Variants in PI4K2B observed in about 807,000 individuals in gnomAD.
PI4K2B encodes phosphatidylinositol 4-kinase type 2 beta.
Under a neutral mutation model 56.6 loss-of-function variants are expected in PI4K2B, and 46 were observed. The ratio of observed to expected loss-of-function variants is 0.81; its 90% CI spans 0.64 to 1.04. The LOEUF (loss-of-function observed/expected upper bound fraction) is 1.04, where lower values mean the gene tolerates loss of function less well. PI4K2B is among the 50% of genes least tolerant of loss of function. The pLI is 0.00. For missense variants in PI4K2B, 556 were observed against 607.7 expected, an observed-to-expected ratio of 0.91 and a Z score of 0.89; for synonymous variants, 211 against 223.8, an observed-to-expected ratio of 0.94 and a Z score of 0.51.
At chr4:25,254,469 A>G (rs1380937555) in intron 2 of PI4K2B, 1 of 207,240 alleles carries the variant, frequency 4.8e-6, no homozygotes, top group African/African-American at 2.4e-5. Flanking sequence ...GCTGGAGTGC[A>G]GTGGTGCGAT....
At chr4:25,262,907 A>G (rs1354336367) in intron 6 of PI4K2B, among the ~76,000 whole-genome samples, 1 of 152,194 alleles carries the variant, frequency 6.6e-6, no homozygotes, top group Non-Finnish European at 1.5e-5. Flanking sequence ...ACATTCTCAC[A>G]CTGCTATGAC....
chr4:25,277,156 A>G lies in PI4K2B; in HGVS notation c.1415A>G (p.Asn472Ser), dbSNP rs759395271. 1.1e-5 allele frequency: 18 copies of G among 1,613,202 alleles called. No homozygotes were observed. Among genetic ancestry groups the G allele is most frequent in the South Asian group, 1.1e-4 (10 of 91,010 alleles). ...HLSNSFTQTV[N>S]CRKPFFSSW ...AGCAATTCCTTTACCCAGACTGTCA[A>G]TTGCAGGAAGCCATTTTTTTCCTCC... is the stretch of plus-strand genomic sequence containing the variant. The change falls in exon 10 of 10, where the codon AAT becomes AGT. Residue 472 changes from asparagine to serine, a missense_variant. Physicochemically the swap from Asn to Ser is conservative, Grantham distance 46 (BLOSUM62 1). Transcript: ENST00000264864.
At chr4:25,269,117 GA>G in intron 8 of PI4K2B, 26 bp from the exon 9 acceptor site, 1 of 1,336,076 alleles carries the variant, frequency 7.5e-7, no homozygotes, top group Non-Finnish European at 1.1e-6. Context: ...TTTATTTTGG[GA>G]ATTGTTTTTT....
intron 7 of PI4K2B, chr4:25,267,894 T>C: frequency 1.0e-6 from 1 of 982,670 alleles, no homozygotes; most frequent in Non-Finnish European, 1.2e-6. Context: ...TGATGATTTG[T>C]AGCTGTGGAG....
At chr4:25,255,480 G>A (rs946404252) in intron 3 of PI4K2B, among the ~76,000 whole-genome samples, 3 of 152,106 alleles carry the variant, frequency 2.0e-5, no homozygotes, top group Admixed American at 6.5e-5. Context: ...GAGATCTGAC[G>A]ATGCTAACAA....
Position 25,263,805 on chromosome 4 carries a change from A to G in PI4K2B, c.1034A>G (p.Asn345Ser). The G allele has an allele frequency of 6.5e-7, 1 of 1,540,278 alleles. No individual in the cohort carries two copies. Among genetic ancestry groups the G allele is most frequent in the Non-Finnish European group, 9.0e-7 (1 of 1,114,380 alleles). ...CTTATTAAAATAGCTGCAATTGATA[A>G]TGGTCTAGCATTTCCTTTTAAACAT... The part of the protein sequence containing the change: ...EFLIKIAAID[N>S]GLAFPFKHPD... Residue 345 changes from asparagine to serine, a missense_variant, in exon 7 of 10, where the codon AAT becomes AGT. Coordinates refer to ENST00000264864, the MANE Select transcript of PI4K2B (RefSeq NM_018323.4).
chr4:25,267,755 C>G, intron 7 of PI4K2B: 1 of 980,756 alleles, frequency 1.0e-6, no homozygotes, highest in Non-Finnish European at 1.2e-6. Context: ...ATTTAATGGT[C>G]TTCTTGAGGG....
intron 1 of PI4K2B, among the ~76,000 whole-genome samples, chr4:25,237,886 CAAAAGAAA>C (rs1463670923): frequency 2.6e-5 from 4 of 151,986 alleles, no homozygotes; most frequent in South Asian, 2.1e-4. Context: ...GACCCTGTCT[CAAAAGAAA>C]AAAAGAAAAA....
At chr4:25,276,966 A>T (rs777000416) in intron 9 of PI4K2B, 48 bp from the exon 10 acceptor site, 1 of 1,472,502 alleles carries the variant, frequency 6.8e-7, no homozygotes, top group Admixed American at 2.2e-5. Context: ...CAGTGAAGTG[A>T]AGCTTTTTAT....
At chr4:25,274,792 T>C (rs1409567792) in intron 9 of PI4K2B, among the ~76,000 whole-genome samples, 1 of 152,038 alleles carries the variant, frequency 6.6e-6, no homozygotes, top group African/African-American at 2.4e-5. Context: ...GCAACTTCCG[T>C]TTTCCTATAC....
intron 1 of PI4K2B, among the ~76,000 whole-genome samples, chr4:25,242,143 T>C (rs1656751855): frequency 6.6e-6 from 1 of 152,232 alleles, no homozygotes; most frequent in Admixed American, 6.5e-5. Flanking sequence ...TAGGCCTAGA[T>C]ATTTGACCTG....
chr4:25,271,010 A>G (rs1716868344), intron 9 of PI4K2B, among the ~76,000 whole-genome samples: 1 of 152,228 alleles, frequency 6.6e-6, no homozygotes, highest in Non-Finnish European at 1.5e-5. Flanking sequence ...GAGATAAAGC[A>G]GTAAGCAAAA....
At position 25,234,196 on chromosome 4, in the gene PI4K2B, G is replaced by T; in HGVS notation, c.33G>T (p.Ala11=). 7.1e-7 allele frequency: 1 copy of T among 1,403,226 alleles called. No individual in the cohort carries two copies. The highest frequency in any genetic ancestry group is 9.3e-7 in the Non-Finnish European group (1 of 1,077,962). 86.9% of individuals were successfully genotyped at this position (1,403,226 alleles called of 1,614,324 possible). ...ATCCCTCCGAGCCCGACCGGTTGGCGTCCGCGGACGGCGGGAGCCCGGAGG... is the reference window on the plus strand; with the variant it reads ...ATCCCTCCGAGCCCGACCGGTTGGCTTCCGCGGACGGCGGGAGCCCGGAGG... MEDPSEPDRL[A]SADGGSPEEE... Residue 11 remains alanine (A), a synonymous_variant, in exon 1 of 10, where the codon GCG becomes GCT. Coordinates refer to ENST00000264864, the MANE Select transcript of PI4K2B (RefSeq NM_018323.4).
At chr4:25,276,718 T>C in intron 9 of PI4K2B, 3 of 985,376 alleles carry the variant, frequency 3.0e-6, no homozygotes, top group Non-Finnish European at 3.6e-6. Context: ...TACCGTTCTT[T>C]GATTCCATTG....
At chr4:25,245,245 T>C (rs977213054) in intron 1 of PI4K2B, among the ~76,000 whole-genome samples, 1 of 152,094 alleles carries the variant, frequency 6.6e-6, no homozygotes, top group Non-Finnish European at 1.5e-5. Flanking sequence ...CTAGAAGTCA[T>C]TTTATAGGAG....
At position 25,277,410 on chromosome 4, in the gene PI4K2B, A is replaced by G. The variant is rs533661536; in HGVS notation, c.*223A>G. ...TATCTCCTATATTGTATTTTTGTAGAAAATTTGTATTTTATGTTGTTGTTA... is the reference window on the plus strand; with the variant it reads ...TATCTCCTATATTGTATTTTTGTAGGAAATTTGTATTTTATGTTGTTGTTA... On this transcript the variant is annotated 3_prime_UTR_variant, in exon 10 of 10. Coordinates refer to ENST00000264864, the MANE Select transcript of PI4K2B (RefSeq NM_018323.4). The G allele has an allele frequency of 3.2e-5, 12 of 369,806 alleles. No individual in the cohort carries two copies. The highest frequency in any genetic ancestry group is 5.2e-5 in the Non-Finnish European group (11 of 213,464). 22.9% of individuals were successfully genotyped at this position (369,806 alleles called of 1,614,324 possible).
At chr4:25,273,722 C>T (rs1716998377) in intron 9 of PI4K2B, among the ~76,000 whole-genome samples, 1 of 152,228 alleles carries the variant, frequency 6.6e-6, no homozygotes, top group East Asian at 1.9e-4. Context: ...TCCCATTCCT[C>T]TTCCACGCTG....
chr4:25,245,694 T>C (rs1395661769), intron 1 of PI4K2B, among the ~76,000 whole-genome samples: 1 of 151,932 alleles, frequency 6.6e-6, no homozygotes, highest in Non-Finnish European at 1.5e-5. Flanking sequence ...TAAGGAAAAA[T>C]AGGACAGAAT....
At chr4:25,258,351 G>T (rs1257353374) in intron 4 of PI4K2B, 3 of 151,418 alleles carry the variant, frequency 2.0e-5, no homozygotes, top group African/African-American at 7.3e-5. Flanking sequence ...GGGACTACAG[G>T]CATGTGCCAC....
Sources: allele counts gnomAD v4.1 joint callset (sites outside exome capture counted in the v4.1 genomes callset), GRCh38; gene constraint gnomAD v4.1.1; transcripts MANE v1.5; gene names NCBI Gene and HGNC (gene_info 2026-07-23, HGNC 2026-07-21).